The following POU4F2 variants were observed in gnomAD, a reference collection of about 807,000 sequenced individuals.
POU4F2 encodes the protein POU domain, class 4, transcription factor 2.
Under a neutral mutation model 21.5 loss-of-function variants are expected in POU4F2, and 10 were observed. That is an observed-to-expected ratio of 0.46 (90% CI 0.29 to 0.79). The LOEUF (loss-of-function observed/expected upper bound fraction) is 0.79, where lower values mean the gene tolerates loss of function less well. Among genes scored for constraint, POU4F2 ranks in the 30% least tolerant of loss-of-function variants. POU4F2 has a pLI of 0.10. For synonymous variants in POU4F2, 324 were observed against 271.1 expected (o/e 1.20, Z -1.92); for missense variants, 623 against 603.3 (o/e 1.03, Z -0.34).
Position 146,640,124 on chromosome 4 carries a change from C to A in POU4F2, c.546C>A (p.His182Gln), listed in dbSNP as rs748041541. ...HHHHHHHHHH[H>Q]QPHQALEGEL... is the part of the protein sequence containing the mutation. ...ACCACCATCACCACCACCACCACCA[C>A]CAACCGCACCAGGCGCTGGAGGGCG... The change falls in exon 2 of 2, where the codon CAC (histidine) becomes CAA (glutamine). Residue 182 changes from histidine to glutamine, a missense_variant. Physicochemically the swap from His to Gln is conservative, Grantham distance 24 (BLOSUM62 0). Coordinates refer to ENST00000281321, the MANE Select transcript of POU4F2 (RefSeq NM_004575.3). This position sits in a 1 kb window ranked among gnomAD's most constrained non-coding sequence, Gnocchi z 4.8. 1.5e-5 allele frequency: 24 copies of A among 1,598,986 alleles called. No homozygotes were observed. Among genetic ancestry groups the A allele is most frequent in the South Asian group, 7.7e-5 (7 of 90,708 alleles).
In POU4F2 at chr4:146,638,922, G is replaced by T. The variant is rs529808954; in HGVS notation, c.-219G>T. On this transcript the variant is annotated 5_prime_UTR_variant, in exon 1 of 2. Transcript: ENST00000281321. ...TCGGGTGCCGAGGTCTGCAGCTAGCGGCAAGCGGAGTCAGGCATCCGTTCA... is the reference window on the plus strand; with the variant it reads ...TCGGGTGCCGAGGTCTGCAGCTAGCTGCAAGCGGAGTCAGGCATCCGTTCA... 2 of 583,488 alleles carry T rather than the reference G, an allele frequency of 3.4e-6. No individual in the cohort carries two copies. Among genetic ancestry groups the T allele is most frequent in the South Asian group, 2.6e-5 (1 of 38,918 alleles). The allele number at this position is 583,488 out of a possible 1,614,324, so 36.1% of individuals were successfully genotyped here.
In POU4F2 at chr4:146,640,728, C is replaced by A; in HGVS notation, c.1150C>A (p.Leu384Met). The A allele has an allele frequency of 6.2e-7, 1 of 1,614,124 alleles. No individual in the cohort carries two copies. Among genetic ancestry groups the A allele is most frequent in the Non-Finnish European group, 8.5e-7 (1 of 1,180,020 alleles). ...KIAAIAEKLDLKKNVVRVWFC... is the reference protein window; with the variant it reads ...KIAAIAEKLDMKKNVVRVWFC... The stretch of plus-strand genomic sequence containing the variant: ...CGCCGCCATCGCGGAGAAGCTGGAC[C>A]TGAAGAAAAACGTGGTGCGCGTCTG... Residue 384 changes from leucine to methionine, a missense_variant, in exon 2 of 2, where the codon CTG becomes ATG. Around this residue, in one of 3 missense-constraint regions of POU4F2, gnomAD observed 523 missense variants for 504.1 expected, o/e 1.04. Coordinates refer to ENST00000281321, the MANE Select transcript of POU4F2 (RefSeq NM_004575.3). The surrounding 1 kb of genome is among the most constrained non-coding windows in gnomAD (Gnocchi z 4.8).
At position 146,642,176 on chromosome 4, in the gene POU4F2, A is replaced by C. The variant is rs186059151; in HGVS notation, c.*1368A>C. 8 of 152,782 alleles carry C rather than the reference A, an allele frequency of 5.2e-5. No homozygotes were observed. The East Asian group carries it at 1.5e-3, about 29-fold the overall frequency. 9.5% of individuals were successfully genotyped at this position (152,782 alleles called of 1,614,324 possible). On this transcript the variant is annotated 3_prime_UTR_variant, in exon 2 of 2. Transcript: ENST00000281321. Reference sequence around the variant, plus strand: ...TCTTTTGGAACAAAAAATTAGGTACATGATAACTGGTACCTTATCTACTGT... The same window carrying C: ...TCTTTTGGAACAAAAAATTAGGTACCTGATAACTGGTACCTTATCTACTGT...
In POU4F2 at chr4:146,641,846, CACTT is replaced by C. The variant is rs926765076; in HGVS notation, c.*1041_*1044del. On this transcript the variant is annotated 3_prime_UTR_variant, in exon 2 of 2. Transcript: ENST00000281321. ...TGTCCCCATGACACATGAGCGCTCTCACTTACCCTTACACACACACACACACACA... is the reference window on the plus strand; with the variant it reads ...TGTCCCCATGACACATGAGCGCTCTCACCCTTACACACACACACACACACA... 7 of 138,978 alleles carry C rather than the reference CACTT, an allele frequency of 5.0e-5. No homozygotes were observed. The Admixed American group carries it at 5.3e-4, about 11-fold the overall frequency. The allele number at this position is 138,978 out of a possible 1,614,324, so 8.6% of individuals were successfully genotyped here.
rs749059575 is a variant in POU4F2 at position 146,639,131 on chromosome 4, G to T, written c.-10G>T. 6.6e-5 allele frequency: 106 copies of T among 1,601,246 alleles called. No homozygotes were observed. The East Asian group carries it at 2.4e-3, about 36-fold the overall frequency. On this transcript the variant is annotated 5_prime_UTR_variant, in exon 1 of 2. Transcript: ENST00000281321. Reference sequence around the variant, plus strand: ...TGCCTCTACGGACCAGCGCCCCGGCGGGCGGGAAGATGATGATGATGTCCC... The same window carrying T: ...TGCCTCTACGGACCAGCGCCCCGGCTGGCGGGAAGATGATGATGATGTCCC...
chr4:146,640,892 C>G lies in POU4F2; in HGVS notation c.*84C>G. The G allele has an allele frequency of 1.5e-6, 2 of 1,376,276 alleles. No individual in the cohort carries two copies. Among genetic ancestry groups the G allele is most frequent in the Non-Finnish European group, 1.9e-6 (2 of 1,028,328 alleles). The allele number at this position is 1,376,276 out of a possible 1,614,324, so 85.3% of individuals were successfully genotyped here. A position where few individuals can be genotyped will look rare whatever the true frequency, so the allele number is the denominator to read the frequency against. ...TTCTGCCTCTTTTCACTTTTGGCGA[C>G]TAGAAACAATTCCAGTAAATGTGAA... On this transcript the variant is annotated 3_prime_UTR_variant, in exon 2 of 2. Coordinates refer to ENST00000281321, the MANE Select transcript of POU4F2 (RefSeq NM_004575.3). This position sits in a 1 kb window ranked among gnomAD's most constrained non-coding sequence, Gnocchi z 4.8.
In POU4F2 at chr4:146,640,845, G is replaced by A. The variant is rs1005737760; in HGVS notation, c.*37G>A. On this transcript the variant is annotated 3_prime_UTR_variant, in exon 2 of 2. Transcript: ENST00000281321. The surrounding 1 kb of genome is among the most constrained non-coding windows in gnomAD (Gnocchi z 4.8). ...CCTCTCCAGAGACGCCCCTTTCCTC[G>A]TCCGCTCTTTTCTCTCCTCTCTTCT... 3.9e-6 allele frequency: 6 copies of A among 1,527,066 alleles called. No homozygotes were observed. The Admixed American group carries it at 8.7e-5, about 22-fold the overall frequency. The allele number at this position is 1,527,066 out of a possible 1,614,324, so 94.6% of individuals were successfully genotyped here.
chr4:146,640,275 C>T lies in POU4F2; in HGVS notation c.697C>T (p.Leu233Phe). Residue 233 changes from leucine to phenylalanine, a missense_variant, in exon 2 of 2, where the codon CTC becomes TTC. Coordinates refer to ENST00000281321, the MANE Select transcript of POU4F2 (RefSeq NM_004575.3). The surrounding 1 kb of genome is among the most constrained non-coding windows in gnomAD (Gnocchi z 4.8). ...ATMNPMHQAALSMAHAHGLPS... is the reference protein window; with the variant it reads ...ATMNPMHQAAFSMAHAHGLPS... ...CATGAACCCCATGCACCAAGCAGCG[C>T]TCAGCATGGCCCACGCGCACGGGCT... The T allele has an allele frequency of 6.4e-7, 1 of 1,568,686 alleles. No homozygotes were observed. The highest frequency in any genetic ancestry group is 2.2e-5 in the East Asian group (1 of 44,468).
intron 1 of POU4F2, 107 bp downstream of exon 1, chr4:146,639,535 C>A (rs932454486): frequency 1.4e-6 from 2 of 1,397,012 alleles, no homozygotes; most frequent in Non-Finnish European, 1.9e-6. Context: ...ACACCTCCAA[C>A]CAATTTTCCC....
Position 146,639,302 on chromosome 4 carries a change from TGGTGGCGGCGGCGGC to T in POU4F2, c.165_179del (p.Gly64_Gly68del), listed in dbSNP as rs1561026686. 4 of 1,463,348 alleles carry T rather than the reference TGGTGGCGGCGGCGGC, an allele frequency of 2.7e-6. No individual in the cohort carries two copies. The highest frequency in any genetic ancestry group is 5.6e-5 in the Admixed American group (2 of 35,502). 90.6% of individuals were successfully genotyped at this position (1,463,348 alleles called of 1,614,324 possible). A position where few individuals can be genotyped will look rare whatever the true frequency, so the allele number is the denominator to read the frequency against. ...CCCCCAGCAGCTCGAGCAACGCTGG[TGGTGGCGGCGGCGGC>T]GGCGGCGGCGGCGGCGGCGGCGGAG... On this transcript the variant is annotated inframe_deletion, in exon 1 of 2. Transcript: ENST00000281321.
rs1313318085 is a variant in POU4F2, at chr4:146,640,601, T to C, written c.1023T>C (p.Asn341=). The C allele has an allele frequency of 1.9e-6, 3 of 1,614,010 alleles. No individual in the cohort carries two copies. The highest frequency in any genetic ancestry group is 2.5e-6 in the Non-Finnish European group (3 of 1,180,006). The change falls in exon 2 of 2, where the codon AAT becomes AAC. Residue 341 remains asparagine (N), a synonymous_variant. Transcript: ENST00000281321. This position sits in a 1 kb window ranked among gnomAD's most constrained non-coding sequence, Gnocchi z 4.8. The part of the protein sequence containing the change: ...REKLTKPELF[N]GAEKKRKRTS... ...AGCTCACCAAGCCTGAACTCTTCAATGGCGCGGAGAAGAAGCGCAAGCGCA... is the reference window on the plus strand; with the variant it reads ...AGCTCACCAAGCCTGAACTCTTCAACGGCGCGGAGAAGAAGCGCAAGCGCA...
At position 146,639,342 on chromosome 4, in the gene POU4F2, G is replaced by GGCCGAA; in HGVS notation, c.205_210dup (p.Arg69_Ser70dup). The GGCCGAA allele has an allele frequency of 6.7e-7, 1 of 1,495,568 alleles. No individual in the cohort carries two copies. Among genetic ancestry groups the GGCCGAA allele is most frequent in the South Asian group, 1.4e-5 (1 of 73,700 alleles). The allele number at this position is 1,495,568 out of a possible 1,614,324, so 92.6% of individuals were successfully genotyped here. A position where few individuals can be genotyped will look rare whatever the true frequency, so the allele number is the denominator to read the frequency against. ...CGGCGGCGGCGGCGGCGGCGGCGGAGGCCGAAGCAGCAGCTCCAGCAGCAG... is the reference window on the plus strand; with the variant it reads ...CGGCGGCGGCGGCGGCGGCGGCGGAGGCCGAAGCCGAAGCAGCAGCTCCAGCAGCAG... On this transcript the variant is annotated inframe_insertion, in exon 1 of 2. Coordinates refer to ENST00000281321, the MANE Select transcript of POU4F2 (RefSeq NM_004575.3).
rs564051431 is a variant in POU4F2, at chr4:146,639,771, C to G, written c.289-96C>G. On this transcript the variant is annotated intron_variant, in intron 1 of 1. Coordinates refer to ENST00000281321, the MANE Select transcript of POU4F2 (RefSeq NM_004575.3). ...TTTAACGATCTGGGAATGTTGTAGG[C>G]GCGGCGACGGTGTCGAGCCCTGGGC... 2.0e-3 allele frequency: 2,371 copies of G among 1,201,118 alleles called. 6 individuals carry two copies. The highest frequency in any genetic ancestry group is 2.5e-3 in the Non-Finnish European group (2,164 of 863,850). 74.4% of individuals were successfully genotyped at this position (1,201,118 alleles called of 1,614,324 possible). A position where few individuals can be genotyped will look rare whatever the true frequency, so the allele number is the denominator to read the frequency against.
chr4:146,639,899 G>A lies in POU4F2; in HGVS notation c.321G>A (p.Leu107=). ...TATTCGGCGGGCTGGATGAGAGTCTGCTGGCCCGCGCCGAGGCTCTGGCAG... is the reference window on the plus strand; with the variant it reads ...TATTCGGCGGGCTGGATGAGAGTCTACTGGCCCGCGCCGAGGCTCTGGCAG... ...SNIFGGLDES[L]LARAEALAAV... Residue 107 remains leucine (L), a synonymous_variant, in exon 2 of 2, where the codon CTG becomes CTA. Transcript: ENST00000281321. 1 of 1,568,936 alleles carries A rather than the reference G, an allele frequency of 6.4e-7. No individual in the cohort carries two copies. The highest frequency in any genetic ancestry group is 8.7e-7 in the Non-Finnish European group (1 of 1,155,774).
chr4:146,639,084 C>G lies in POU4F2; in HGVS notation c.-57C>G. The G allele has an allele frequency of 6.4e-7, 1 of 1,567,556 alleles. No individual in the cohort carries two copies. The highest frequency in any genetic ancestry group is 2.4e-5 in the East Asian group (1 of 41,182). ...GCTGGCCCGGCACTTCTCGGAGGGT[C>G]CCGGCAGCCGGGACCAGTGAGTGCC... On this transcript the variant is annotated 5_prime_UTR_variant, in exon 1 of 2. Transcript: ENST00000281321.
Position 146,640,832 on chromosome 4 carries a change from C to G in POU4F2, c.*24C>G. 1.3e-6 allele frequency: 2 copies of G among 1,544,268 alleles called. No individual in the cohort carries two copies. Among genetic ancestry groups the G allele is most frequent in the Non-Finnish European group, 1.7e-6 (2 of 1,147,996 alleles). ...AGAAGACTCTTGGCCTCTCCAGAGA[C>G]GCCCCTTTCCTCGTCCGCTCTTTTC... is the stretch of plus-strand genomic sequence containing the variant. On this transcript the variant is annotated 3_prime_UTR_variant, in exon 2 of 2. Coordinates refer to ENST00000281321, the MANE Select transcript of POU4F2 (RefSeq NM_004575.3). The surrounding 1 kb of genome is among the most constrained non-coding windows in gnomAD (Gnocchi z 4.8).
In POU4F2 at chr4:146,640,454, C is replaced by A. The variant is rs1278626284; in HGVS notation, c.876C>A (p.Gly292=). 1 of 1,613,808 alleles carries A rather than the reference C, an allele frequency of 6.2e-7. No individual in the cohort carries two copies. Among genetic ancestry groups the A allele is most frequent in the South Asian group, 1.1e-5 (1 of 91,086 alleles). ...CCAACCTCAAGATCCCCGGCGTGGG[C>A]TCGCTTAGCCAGAGCACCATCTGCA... ...ALANLKIPGV[G]SLSQSTICRF... Residue 292 remains glycine, a synonymous_variant, in exon 2 of 2, where the codon GGC becomes GGA. Transcript: ENST00000281321. The surrounding 1 kb of genome is among the most constrained non-coding windows in gnomAD (Gnocchi z 4.8).
rs1243293870 is a variant in POU4F2, at chr4:146,641,836, T to A, written c.*1028T>A. 6.7e-6 allele frequency: 1 copy of A among 148,224 alleles called. No homozygotes were observed. Among genetic ancestry groups the A allele is most frequent in the African/African-American group, 2.5e-5 (1 of 39,676 alleles). 9.2% of individuals were successfully genotyped at this position (148,224 alleles called of 1,614,324 possible). A position where few individuals can be genotyped will look rare whatever the true frequency, so the allele number is the denominator to read the frequency against. ...ATTCCCACATTGTCCCCATGACACA[T>A]GAGCGCTCTCACTTACCCTTACACA... On this transcript the variant is annotated 3_prime_UTR_variant, in exon 2 of 2. Transcript: ENST00000281321.
In POU4F2 at chr4:146,642,419, C is replaced by T. The variant is rs1407682681; in HGVS notation, c.*1611C>T. 6.6e-6 allele frequency: 1 copy of T among 152,084 alleles called. No individual in the cohort carries two copies. The allele number at this position is 152,084 out of a possible 1,614,324, so 9.4% of individuals were successfully genotyped here. A position where few individuals can be genotyped will look rare whatever the true frequency, so the allele number is the denominator to read the frequency against. On this transcript the variant is annotated 3_prime_UTR_variant, in exon 2 of 2. Coordinates refer to ENST00000281321, the MANE Select transcript of POU4F2 (RefSeq NM_004575.3). Reference sequence around the variant, plus strand: ...AGAGATAATTTTAATGTTTTATTGGCAACGTATGCTGCTTTTTCATTAAAA... The same window carrying T: ...AGAGATAATTTTAATGTTTTATTGGTAACGTATGCTGCTTTTTCATTAAAA...
Sources: allele counts gnomAD v4.1 joint callset, GRCh38; gene constraint gnomAD v4.1.1; regional missense constraint gnomAD v4.1.1; non-coding constraint Gnocchi (gnomAD v3.1); transcripts MANE v1.5; gene names NCBI Gene and HGNC (gene_info 2026-07-23, HGNC 2026-07-21).